The following SEC22C variants were observed in gnomAD, a reference collection of about 807,000 sequenced individuals.
The protein encoded by SEC22C is SEC22 homolog C, vesicle trafficking protein, also known as vesicle-trafficking protein SEC22c.
SEC22C carries 29 observed loss-of-function variants against 34.7 expected under a neutral mutation model. That is an observed-to-expected ratio of 0.84 (90% CI 0.62 to 1.14). The LOEUF (loss-of-function observed/expected upper bound fraction) is 1.14, where lower values mean the gene tolerates loss of function less well. SEC22C is among the 50% of genes most tolerant of loss of function. SEC22C has a pLI of 0.00. For synonymous variants in SEC22C, 117 were observed against 132.8 expected, an observed-to-expected ratio of 0.88 and a Z score of 0.82; for missense variants, 337 against 369.0, an observed-to-expected ratio of 0.91 and a Z score of 0.71.
In SEC22C at chr3:42,550,127, C is replaced by T. The variant is rs908283092; in HGVS notation, c.*3121G>A. ...CTGGCCCCGTGGTTGGGAAACCCTT[C>T]CTAAGAGCATGGAGCCACACTCTGG... On this transcript the variant is annotated 3_prime_UTR_variant, in exon 7 of 7. Coordinates refer to ENST00000264454, the MANE Select transcript of SEC22C (RefSeq NM_032970.4). 9.1e-6 allele frequency: 9 copies of T among 985,368 alleles called. No homozygotes were observed. Among genetic ancestry groups the T allele is most frequent in the Non-Finnish European group, 8.4e-6 (7 of 829,966 alleles). The allele number at this position is 985,368 out of a possible 1,614,324, so 61.0% of individuals were successfully genotyped here.
chr3:42,591,687 G>C, intron 1 of SEC22C: 1 of 967,998 alleles, frequency 1.0e-6, no homozygotes, highest in Non-Finnish European at 1.7e-6. Context: ...AAGAGTCTTG[G>C]GTGATTGATC....
rs79602531 is a variant in SEC22C at position 42,554,117 on chromosome 3, T to A, written c.712-669A>T. On this transcript the variant is annotated intron_variant, in intron 6 of 6. Transcript: ENST00000264454. ...GTTTTTTTTTTTTAAAAAAAGGACA[T>A]CACTGAACATGGATCAATCTGACAA... Among the ~76,000 whole-genome samples the A allele has an allele frequency of 6.8e-3, 1,030 of 151,786 alleles. 11 individuals carry two copies. Among genetic ancestry groups the A allele is most frequent in the African/African-American group, 0.023 (965 of 41,400 alleles).
chr3:42,550,248 T>G lies in SEC22C; in HGVS notation c.*3000A>C. 1 of 985,470 alleles carries G rather than the reference T, an allele frequency of 1.0e-6. No homozygotes were observed. 61.0% of individuals were successfully genotyped at this position (985,470 alleles called of 1,614,324 possible). On this transcript the variant is annotated 3_prime_UTR_variant, in exon 7 of 7. Transcript: ENST00000264454. ...ACCTCTAAAGTTTTGTTTTCAACAT[T>G]ATTTCATCTATTCCCAGATCTAGTC...
chr3:42,584,242 T>C (rs1455937428), upstream of SEC22C, among the ~76,000 whole-genome samples: 2 of 152,196 alleles, frequency 1.3e-5, no homozygotes, highest in Non-Finnish European at 2.9e-5. Flanking sequence ...CAGGTCAATG[T>C]AGAGGTCTGG....
chr3:42,592,025 C>T (rs1271394815), intron 1 of SEC22C, among the ~76,000 whole-genome samples: 1 of 152,092 alleles, frequency 6.6e-6, no homozygotes, highest in African/African-American at 2.4e-5. Flanking sequence ...TTCTAACTTC[C>T]CGTCAGTCTG....
At chr3:42,573,577 T>C (rs1228939267) in intron 1 of SEC22C, 1 of 152,256 alleles carries the variant, frequency 6.6e-6, no homozygotes, top group East Asian at 1.9e-4. Context: ...CTTACATCTA[T>C]AATCCTAATG....
chr3:42,559,995 T>A, intron 4 of SEC22C, among the ~76,000 whole-genome samples: 1 of 151,558 alleles, frequency 6.6e-6, no homozygotes, highest in Non-Finnish European at 1.5e-5. Context: ...AAGCCCTGGC[T>A]CCAGCCCCCT....
intron 1 of SEC22C, chr3:42,581,501 C>T (rs1704345718): frequency 6.6e-6 from 1 of 152,286 alleles, no homozygotes; most frequent in Non-Finnish European, 1.5e-5. Flanking sequence ...AAACAATGCT[C>T]TGACGTGAGC....
At chr3:42,594,696 G>A (rs538106279) in intron 1 of SEC22C, 87 of 468,390 alleles carry the variant, frequency 1.9e-4, no homozygotes, top group African/African-American at 1.7e-3. Flanking sequence ...GTATTCTCAT[G>A]TAAATATTTT....
At chr3:42,576,150 C>A (rs1349890080) in intron 1 of SEC22C, among the ~76,000 whole-genome samples, 1 of 152,010 alleles carries the variant, frequency 6.6e-6, no homozygotes, top group Admixed American at 6.5e-5. Context: ...TAAAAAAATA[C>A]ATTGAACTAG....
intron 1 of SEC22C, among the ~76,000 whole-genome samples, chr3:42,571,457 T>C (rs1267727011): frequency 6.6e-6 from 1 of 152,212 alleles, no homozygotes; most frequent in Admixed American, 6.5e-5. Flanking sequence ...TGTTTGTGTG[T>C]ATTTGTGAGT....
upstream of SEC22C, among the ~76,000 whole-genome samples, chr3:42,583,076 T>A (rs1380581850): frequency 6.6e-6 from 1 of 152,192 alleles, no homozygotes; most frequent in African/African-American, 2.4e-5. Flanking sequence ...TGAGATCCAC[T>A]AGAGCGAATA....
In SEC22C at chr3:42,569,010, T is replaced by C; in HGVS notation, c.37A>G (p.Arg13Gly). 6 of 1,614,030 alleles carry C rather than the reference T, an allele frequency of 3.7e-6. No individual in the cohort carries two copies. The highest frequency in any genetic ancestry group is 5.1e-6 in the Non-Finnish European group (6 of 1,179,988). The stretch of plus-strand genomic sequence containing the variant: ...GAGGCTGAGAGGGGCAGTCCATCCC[T>C]TACCCGTACCACGCAGGCAAAAAAG... ...VIFFACVVRV[R>G]DGLPLSASTD... The change falls in exon 2 of 7, where the codon AGG becomes GGG. Residue 13 changes from arginine (R) to glycine (G), a missense_variant. Physicochemically the swap from Arg to Gly is moderately radical, Grantham distance 125. Transcript: ENST00000264454.
chr3:42,567,057 C>T (rs562280587), intron 2 of SEC22C, among the ~76,000 whole-genome samples: 4 of 152,230 alleles, frequency 2.6e-5, no homozygotes, highest in African/African-American at 9.6e-5. Context: ...GGTACAGGTG[C>T]ACCCTACCAC....
rs1374949127 is a variant in SEC22C, at chr3:42,552,347, T to C, written c.*901A>G. 2 of 985,256 alleles carry C rather than the reference T, an allele frequency of 2.0e-6. No homozygotes were observed. The highest frequency in any genetic ancestry group is 2.4e-6 in the Non-Finnish European group (2 of 829,890). 61.0% of individuals were successfully genotyped at this position (985,256 alleles called of 1,614,324 possible). On this transcript the variant is annotated 3_prime_UTR_variant, in exon 7 of 7. Transcript: ENST00000264454. ...TAAAACAACAGGCACTCAGCTCTAC[T>C]GAAAAGGCTGATGACAGCAGCCCCT...
intron 1 of SEC22C, chr3:42,580,299 T>C (rs1296046637): frequency 2.0e-5 from 3 of 151,940 alleles, no homozygotes; most frequent in Non-Finnish European, 2.9e-5. Flanking sequence ...CCTTGCAAAA[T>C]AGGAATTTAG....
chr3:42,594,419 T>C, intron 1 of SEC22C: 3 of 1,611,082 alleles, frequency 1.9e-6, no homozygotes, highest in Middle Eastern at 1.7e-4. Context: ...TTTTTGCCCA[T>C]AGGTACCAGC....
At chr3:42,568,456 G>A (rs1703397234) in intron 2 of SEC22C, among the ~76,000 whole-genome samples, 1 of 151,890 alleles carries the variant, frequency 6.6e-6, no homozygotes, top group South Asian at 2.1e-4. Context: ...GACCAGCCTG[G>A]GCAACATGGT....
chr3:42,558,972 T>C (rs1702715366), intron 4 of SEC22C, among the ~76,000 whole-genome samples: 1 of 152,214 alleles, frequency 6.6e-6, no homozygotes, highest in Non-Finnish European at 1.5e-5. Context: ...TCTAGAGCAA[T>C]TCACAGCAAA....
Sources: allele counts gnomAD v4.1 joint callset (sites outside exome capture counted in the v4.1 genomes callset), GRCh38; gene constraint gnomAD v4.1.1; transcripts MANE v1.5; gene names NCBI Gene and HGNC (gene_info 2026-07-23, HGNC 2026-07-21).